Variants in ODF2L observed in about 807,000 individuals in gnomAD.
ODF2L encodes the protein protein BCAP.
A neutral mutation model predicts 86.3 loss-of-function variants in ODF2L; 76 were observed. That is an observed-to-expected ratio of 0.88 (90% CI 0.73 to 1.07). The LOEUF (loss-of-function observed/expected upper bound fraction) is 1.07, where lower values mean the gene tolerates loss of function less well. Ranked by LOEUF, ODF2L falls within the 50% of genes least tolerant of loss-of-function variation. The pLI, the probability that ODF2L is intolerant of heterozygous loss-of-function variation, is 0.00. For synonymous variants in ODF2L, 241 were observed against 231.3 expected, an observed-to-expected ratio of 1.04 and a Z score of -0.38; for missense variants, 748 against 717.4, an observed-to-expected ratio of 1.04 and a Z score of -0.49.
chr1:86,375,928 G>A (rs996332643), intron 8 of ODF2L, among the ~76,000 whole-genome samples: 11 of 152,098 alleles, frequency 7.2e-5, no homozygotes, highest in African/African-American at 2.7e-4. Context: ...GGGGAAATAT[G>A]TATGAAGTAT....
chr1:86,374,363 T>A (rs1472053326), intron 8 of ODF2L, among the ~76,000 whole-genome samples: 1 of 152,192 alleles, frequency 6.6e-6, no homozygotes, highest in African/African-American at 2.4e-5. Flanking sequence ...ATATAATTAT[T>A]ACCTACTTCA....
intron 7 of ODF2L, among the ~76,000 whole-genome samples, chr1:86,377,570 G>T (rs1028302551): frequency 6.6e-6 from 1 of 152,170 alleles, no homozygotes; most frequent in Non-Finnish European, 1.5e-5. Flanking sequence ...GGACATCCAG[G>T]CACTTCCACA....
rs542717508 is a variant in ODF2L, at chr1:86,370,921, G to C, written c.1056+97C>G. On this transcript the variant is annotated intron_variant, in intron 10 of 17. Transcript: ENST00000317336. ...GCATAGAAGACAGAATTATACAAGA[G>C]CACTGCTCTAAACATACTCTTTCTT... is the stretch of plus-strand genomic sequence containing the variant. 1.5e-5 allele frequency: 10 copies of C among 657,226 alleles called. No individual in the cohort carries two copies. The East Asian group carries it at 3.1e-4, about 20-fold the overall frequency. 40.7% of individuals were successfully genotyped at this position (657,226 alleles called of 1,614,324 possible). A position where few individuals can be genotyped will look rare whatever the true frequency, so the allele number is the denominator to read the frequency against.
At chr1:86,363,228 G>A (rs1659170457) in intron 11 of ODF2L, among the ~76,000 whole-genome samples, 1 of 152,110 alleles carries the variant, frequency 6.6e-6, no homozygotes. Context: ...ACTATTTTGG[G>A]AAACATCAAG....
At chr1:86,381,825 T>C (rs1353239584) in intron 7 of ODF2L, 1 of 152,274 alleles carries the variant, frequency 6.6e-6, no homozygotes, top group Admixed American at 6.6e-5. Flanking sequence ...AAAATAAACA[T>C]CGTATTGACT....
At chr1:86,380,282 AT>A (rs1396661581) in intron 7 of ODF2L, among the ~76,000 whole-genome samples, 1 of 152,124 alleles carries the variant, frequency 6.6e-6, no homozygotes, top group Admixed American at 6.6e-5. Context: ...TTTAGATTTG[AT>A]TTTTTTGAAG....
At chr1:86,365,301 C>T (rs759787258) in intron 11 of ODF2L, among the ~76,000 whole-genome samples, 17 of 152,256 alleles carry the variant, frequency 1.1e-4, no homozygotes, top group South Asian at 4.1e-4. Context: ...GTAGCCATTA[C>T]GGTTGCTACT....
intron 17 of ODF2L, 146 bp downstream of exon 16, chr1:86,352,713 A>AT (rs1316264504): frequency 1.6e-5 from 8 of 504,284 alleles, no homozygotes; most frequent in Non-Finnish European, 2.7e-5. Context: ...ATATCATAAC[A>AT]TTTTTATTTG....
At chr1:86,359,801 C>T (rs990741507) in intron 12 of ODF2L, among the ~76,000 whole-genome samples, 12 of 152,072 alleles carry the variant, frequency 7.9e-5, no homozygotes, top group Non-Finnish European at 1.2e-4. Context: ...TACAGGTGTA[C>T]GCCACTACAC....
intron 1 of ODF2L, among the ~76,000 whole-genome samples, chr1:86,393,331 T>TC (rs1491293140): frequency 6.6e-6 from 1 of 151,674 alleles, no homozygotes; most frequent in Non-Finnish European, 1.5e-5. Context: ...CCTCTTTTTT[T>TC]CCCCCTACTA....
Position 86,354,531 on chromosome 1 carries a change from T to G in ODF2L, c.1766A>C (p.Lys589Thr). The stretch of plus-strand genomic sequence containing the variant: ...TTTCTAAATAAAGGCCATGCATACC[T>G]TTTGTCTTCCTTCTTCTAAAGCAGC... The change falls in exon 16 of 18, where the codon AAG becomes ACG. Residue 589 changes from lysine (K) to threonine (T), a missense_variant and splice_region_variant. By Grantham distance (78) the Lys-to-Thr change is moderately conservative. Transcript: ENST00000317336. 1.3e-6 allele frequency: 2 copies of G among 1,585,094 alleles called. No homozygotes were observed. The highest frequency in any genetic ancestry group is 1.7e-6 in the Non-Finnish European group (2 of 1,164,598).
At chr1:86,371,307 T>C (rs376189371) in intron 9 of ODF2L, among the ~76,000 whole-genome samples, 154 bp from the exon 10 acceptor site, 1 of 151,952 alleles carries the variant, frequency 6.6e-6, no homozygotes, top group Non-Finnish European at 1.5e-5. Flanking sequence ...ACAAGAAAAA[T>C]AAGAAGAAGT....
chr1:86,384,837 A>G (rs1660828259), intron 3 of ODF2L, 36 bp from the exon 4 acceptor site: 1 of 1,445,090 alleles, frequency 6.9e-7, no homozygotes, highest in Non-Finnish European at 9.1e-7. Flanking sequence ...ACATTTTAAG[A>G]CACAGCATTA....
In ODF2L at chr1:86,382,903, TAAGCTCAA is replaced by T; in HGVS notation, c.507+20_507+27del. 8.5e-7 allele frequency: 1 copy of T among 1,180,122 alleles called. No homozygotes were observed. The allele number at this position is 1,180,122 out of a possible 1,614,324, so 73.1% of individuals were successfully genotyped here. A position where few individuals can be genotyped will look rare whatever the true frequency, so the allele number is the denominator to read the frequency against. On this transcript the variant is annotated intron_variant, in intron 6 of 17. Transcript: ENST00000317336. ...GGGAGTCAATATTAATATAATGAAT[TAAGCTCAA>T]AAGCTCAAATTTTGCTTACCTTTTC...
At chr1:86,355,651 T>C (rs1420253450) in intron 14 of ODF2L, among the ~76,000 whole-genome samples, 2 of 152,158 alleles carry the variant, frequency 1.3e-5, no homozygotes, top group Admixed American at 6.6e-5. Flanking sequence ...TAGTACCTGT[T>C]AGTTATTTTT....
chr1:86,358,915 CAT>C, intron 12 of ODF2L, 24 bp from the exon 12 acceptor site: 2 of 1,120,486 alleles, frequency 1.8e-6, no homozygotes, highest in East Asian at 2.7e-5. Flanking sequence ...ATTAGAGAAA[CAT>C]ATTATTTTTA....
At chr1:86,369,584 G>A (rs1460295278) in intron 10 of ODF2L, among the ~76,000 whole-genome samples, 2 of 152,136 alleles carry the variant, frequency 1.3e-5, no homozygotes, top group Admixed American at 6.5e-5. Flanking sequence ...ACATCAAGAT[G>A]AGAAAAGTTA....
At chr1:86,369,049 T>G (rs1191026425) in intron 10 of ODF2L, among the ~76,000 whole-genome samples, 8 of 152,140 alleles carry the variant, frequency 5.3e-5, no homozygotes, top group Non-Finnish European at 1.0e-4. Flanking sequence ...TCTTTTTATA[T>G]TTCTATAGTT....
chr1:86,371,558 T>C (rs755022943), intron 9 of ODF2L, among the ~76,000 whole-genome samples: 17 of 152,134 alleles, frequency 1.1e-4, no homozygotes, highest in Non-Finnish European at 2.4e-4. Context: ...TAGAAATGAA[T>C]TATATATGGT....
Sources: allele counts gnomAD v4.1 joint callset (sites outside exome capture counted in the v4.1 genomes callset), GRCh38; gene constraint gnomAD v4.1.1; transcripts MANE v1.5; gene names NCBI Gene and HGNC (gene_info 2026-07-23, HGNC 2026-07-21).